Variants in NBAS observed in about 807,000 individuals in gnomAD.
The protein encoded by NBAS is NBAS subunit of NRZ tethering complex.
A neutral mutation model predicts 302.5 loss-of-function variants in NBAS; 219 were observed. That is an observed-to-expected ratio of 0.72 (90% CI 0.65 to 0.81). NBAS has a LOEUF of 0.81. Among genes scored for constraint, NBAS ranks in the 30% least tolerant of loss-of-function variants. NBAS has a pLI of 0.00. For synonymous variants in NBAS, 1,118 were observed against 1,021.6 expected (o/e 1.09, Z -1.80); for missense variants, 2,932 against 2,841.6 (o/e 1.03, Z -0.72).
At chr2:15,035,115 G>A in the NBAS span, among the ~76,000 whole-genome samples, 1 of 145,196 alleles carries the variant, frequency 6.9e-6, no homozygotes, top group African/African-American at 2.6e-5. Context: ...GGGAGTGTGG[G>A]GTTTTTTTTT....
the NBAS span, among the ~76,000 whole-genome samples, chr2:14,938,940 C>T: frequency 6.6e-6 from 1 of 152,224 alleles, no homozygotes; most frequent in Non-Finnish European, 1.5e-5. Context: ...TCTTTGGTCT[C>T]ACAAACCTTC....
At chr2:15,449,786 C>T (rs564194118) in intron 21 of NBAS, among the ~76,000 whole-genome samples, 11 of 152,276 alleles carry the variant, frequency 7.2e-5, no homozygotes, top group South Asian at 2.1e-4. Context: ...CCAGCATATT[C>T]CACTCTGTTA....
At chr2:14,951,928 C>T in the NBAS span, among the ~76,000 whole-genome samples, 1 of 152,170 alleles carries the variant, frequency 6.6e-6, no homozygotes, top group African/African-American at 2.4e-5. Context: ...CCGATTTTCA[C>T]ATATTCTAGA....
the NBAS span, among the ~76,000 whole-genome samples, chr2:15,030,974 G>A: frequency 3.5e-4 from 53 of 152,294 alleles, no homozygotes; most frequent in Non-Finnish European, 3.8e-4. Context: ...GAATCTGACC[G>A]TGTTCTCCTT....
At chr2:15,230,019 A>C (rs1667314862) in intron 47 of NBAS, among the ~76,000 whole-genome samples, 1 of 152,102 alleles carries the variant, frequency 6.6e-6, no homozygotes, top group South Asian at 2.1e-4. Context: ...TTATTGTCAA[A>C]ACAGACACTA....
the NBAS span, among the ~76,000 whole-genome samples, chr2:15,155,690 C>T: frequency 6.6e-5 from 10 of 152,308 alleles, no homozygotes; most frequent in South Asian, 2.1e-4. Flanking sequence ...CTGCATTTTA[C>T]GGCACAGTAT....
At chr2:14,934,230 T>C in the NBAS span, among the ~76,000 whole-genome samples, 1 of 152,224 alleles carries the variant, frequency 6.6e-6, no homozygotes, top group Non-Finnish European at 1.5e-5. Context: ...TCACTATTAA[T>C]AGCTAGTTGT....
the NBAS span, among the ~76,000 whole-genome samples, chr2:14,790,916 C>T: frequency 1.6e-4 from 25 of 152,004 alleles, no homozygotes; most frequent in Admixed American, 5.9e-4. Context: ...AGTGCAATGG[C>T]GCGATCTTGG....
At chr2:14,834,289 C>A in the NBAS span, among the ~76,000 whole-genome samples, 3 of 152,226 alleles carry the variant, frequency 2.0e-5, no homozygotes, top group Middle Eastern at 3.4e-3. Flanking sequence ...AAATACTGAA[C>A]AACCCCATCT....
chr2:15,166,115 TG>T (rs1296722805), downstream of NBAS, among the ~76,000 whole-genome samples: 3 of 152,168 alleles, frequency 2.0e-5, no homozygotes, highest in Non-Finnish European at 4.4e-5. Context: ...TGGGGGCAGG[TG>T]CCAGCAAGCT....
chr2:15,002,626 C>T, the NBAS span, among the ~76,000 whole-genome samples: 5 of 152,196 alleles, frequency 3.3e-5, no homozygotes, highest in Admixed American at 2.6e-4. Flanking sequence ...CAGGATCCCA[C>T]GGAGGTGGTG....
downstream of NBAS, among the ~76,000 whole-genome samples, chr2:15,163,907 C>A (rs13394715): frequency 0.3 from 44,952 of 151,818 alleles, 6,857 homozygotes; most frequent in Middle Eastern, 0.37. Context: ...AGTGATTCTC[C>A]TGCCTCAGCC....
At chr2:15,423,038 T>C (rs1168727756) in intron 23 of NBAS, among the ~76,000 whole-genome samples, 1 of 152,012 alleles carries the variant, frequency 6.6e-6, no homozygotes, top group African/African-American at 2.4e-5. Flanking sequence ...CTACGTGGAG[T>C]TGATCATTTA....
the NBAS span, among the ~76,000 whole-genome samples, chr2:14,817,129 C>T: frequency 6.6e-6 from 1 of 152,138 alleles, no homozygotes; most frequent in African/African-American, 2.4e-5. Context: ...TCATGCTTCC[C>T]CCAAACCAAC....
intron 19 of NBAS, among the ~76,000 whole-genome samples, chr2:15,463,281 A>G (rs1366087447): frequency 6.6e-6 from 1 of 152,158 alleles, no homozygotes; most frequent in East Asian, 1.9e-4. Flanking sequence ...TTCACAAAAA[A>G]AGCTCTCAGT....
the NBAS span, among the ~76,000 whole-genome samples, chr2:14,790,621 AG>A: frequency 2.0e-5 from 3 of 151,472 alleles, no homozygotes; most frequent in Non-Finnish European, 2.9e-5. Context: ...TCATGAAGGT[AG>A]ATACTTCTCA....
the NBAS span, among the ~76,000 whole-genome samples, chr2:15,024,835 T>C: frequency 6.6e-5 from 10 of 152,224 alleles, no homozygotes; most frequent in Non-Finnish European, 1.3e-4. Context: ...TGAATGTTCA[T>C]TTAAGTTCCT....
At chr2:15,250,010 T>G (rs973431579) in intron 44 of NBAS, among the ~76,000 whole-genome samples, 17 of 152,054 alleles carry the variant, frequency 1.1e-4, no homozygotes, top group African/African-American at 4.1e-4. Flanking sequence ...GCCAAGACAA[T>G]CCTAAGCAAA....
chr2:15,282,192 G>A (rs1409370305), intron 42 of NBAS, among the ~76,000 whole-genome samples: 3 of 152,046 alleles, frequency 2.0e-5, no homozygotes, highest in Non-Finnish European at 4.4e-5. Context: ...CTTAAATCCT[G>A]GGGGATTAAT....
Sources: allele counts gnomAD v4.1 joint callset (sites outside exome capture counted in the v4.1 genomes callset), GRCh38; gene constraint gnomAD v4.1.1; transcripts MANE v1.5; gene names NCBI Gene and HGNC (gene_info 2026-07-23, HGNC 2026-07-21).